ZNF69: variants seen among roughly 807,000 people sequenced by gnomAD.
The protein encoded by ZNF69 is zinc finger protein 69.
Under a neutral mutation model 50.9 loss-of-function variants are expected in ZNF69, and 47 were observed. The ratio of observed to expected loss-of-function variants is 0.92; its 90% CI spans 0.73 to 1.18. The LOEUF (loss-of-function observed/expected upper bound fraction) is 1.18, where lower values mean the gene tolerates loss of function less well. ZNF69 is among the 50% of genes most tolerant of loss of function. ZNF69 has a pLI of 0.00. For missense variants in ZNF69, 717 were observed against 675.1 expected, an observed-to-expected ratio of 1.06 and a Z score of -0.69; for synonymous variants, 216 against 223.1, an observed-to-expected ratio of 0.97 and a Z score of 0.29.
the ZNF69 span, chr19:11,949,883 A>C: frequency 1.2e-6 from 2 of 1,614,176 alleles, no homozygotes; most frequent in African/African-American, 1.3e-5. Context: ...GAGAAACCCT[A>C]TGAGTGTAAG....
the ZNF69 span, among the ~76,000 whole-genome samples, chr19:11,960,886 G>T: frequency 2.0e-5 from 3 of 152,086 alleles, no homozygotes; most frequent in African/African-American, 7.2e-5. Context: ...CTCCCCATCT[G>T]CTATGTGATA....
At chr19:11,892,260 G>A (rs1977112583) in intron 1 of ZNF69, among the ~76,000 whole-genome samples, 1 of 151,480 alleles carries the variant, frequency 6.6e-6, no homozygotes, top group African/African-American at 2.4e-5. Flanking sequence ...GATCACAGAC[G>A]TTAGCCAGTG....
chr19:11,951,243 T>G, the ZNF69 span, among the ~76,000 whole-genome samples: 1 of 151,068 alleles, frequency 6.6e-6, no homozygotes, highest in African/African-American at 2.4e-5. Context: ...TTTGTTTTTT[T>G]TTTTTCTGAT....
Position 11,905,907 on chromosome 19 carries a change from A to G in ZNF69, c.1510A>G (p.Lys504Glu), listed in dbSNP as rs779206204. 1.8e-5 allele frequency: 29 copies of G among 1,613,898 alleles called. No individual in the cohort carries two copies. The Admixed American group carries it at 4.5e-4, about 25-fold the overall frequency. The change falls in exon 4 of 4, where the codon AAA becomes GAA. Residue 504 changes from lysine to glutamate, a missense_variant. Transcript: ENST00000429654. ...ACATGAAAAAACTCACACTGGAGAGAAACTCTATGAATGCAAGCAATGTGG... is the reference window on the plus strand; with the variant it reads ...ACATGAAAAAACTCACACTGGAGAGGAACTCTATGAATGCAAGCAATGTGG... Reference protein sequence around the residue: ...QRHEKTHTGEKLYECKQCGEA... With the variant: ...QRHEKTHTGEELYECKQCGEA...
At chr19:11,913,262 ATTG>A (rs1343366706) in intron 4 of ZNF69, 8 of 450,086 alleles carry the variant, frequency 1.8e-5, no homozygotes, top group African/African-American at 4.1e-5. Flanking sequence ...ATACTGTTAA[ATTG>A]TTATTATTTG....
chr19:11,947,427 G>T, the ZNF69 span: 1 of 1,601,128 alleles, frequency 6.2e-7, no homozygotes, highest in South Asian at 1.1e-5. Context: ...ATGAGGCATG[G>T]CTGCAGTAAA....
At chr19:11,908,289 C>T (rs1341202959), downstream of ZNF69, among the ~76,000 whole-genome samples, 2 of 152,188 alleles carry the variant, frequency 1.3e-5, no homozygotes, top group East Asian at 3.9e-4. Context: ...CAAGGATATA[C>T]AGGAATTGAA....
chr19:11,906,223 A>C lies in ZNF69; in HGVS notation c.*125A>C. On this transcript the variant is annotated 3_prime_UTR_variant, in exon 4 of 4. Transcript: ENST00000429654. Reference sequence around the variant, plus strand: ...TGCCCAGAACCTTCGAATTCAGTAAAGGACACAAGCACACATAAGAATGCA... The same window carrying C: ...TGCCCAGAACCTTCGAATTCAGTAACGGACACAAGCACACATAAGAATGCA... The C allele has an allele frequency of 6.6e-7, 1 of 1,525,306 alleles. No individual in the cohort carries two copies. The highest frequency in any genetic ancestry group is 8.7e-7 in the Non-Finnish European group (1 of 1,144,666). 94.5% of individuals were successfully genotyped at this position (1,525,306 alleles called of 1,614,324 possible).
the ZNF69 span, among the ~76,000 whole-genome samples, chr19:11,971,789 C>A: frequency 6.6e-6 from 1 of 152,072 alleles, no homozygotes; most frequent in Admixed American, 6.6e-5. Context: ...TGTGGCCGGG[C>A]GCGGTGGCTC....
the ZNF69 span, among the ~76,000 whole-genome samples, chr19:11,962,477 T>C: frequency 6.6e-6 from 1 of 152,024 alleles, no homozygotes; most frequent in Non-Finnish European, 1.5e-5. Context: ...CCTCCTGCCT[T>C]AGCCTCCCAA....
chr19:11,925,240 A>C, the ZNF69 span: 3 of 1,613,146 alleles, frequency 1.9e-6, no homozygotes, highest in African/African-American at 4.0e-5. Flanking sequence ...GGAGCTGTAG[A>C]GAGGACCCCG....
the ZNF69 span, among the ~76,000 whole-genome samples, chr19:11,973,495 G>C: frequency 1.7e-3 from 254 of 152,198 alleles, 2 homozygotes; most frequent in African/African-American, 5.8e-3. Context: ...GATTCCTCTT[G>C]TGAGCCACCA....
At chr19:11,924,303 G>C in the ZNF69 span, among the ~76,000 whole-genome samples, 2 of 151,810 alleles carry the variant, frequency 1.3e-5, no homozygotes, top group Non-Finnish European at 2.9e-5. Context: ...GTGGTGGCGG[G>C]CGCCTTTAAT....
chr19:11,941,642 G>T, the ZNF69 span, among the ~76,000 whole-genome samples: 1 of 152,070 alleles, frequency 6.6e-6, no homozygotes, highest in African/African-American at 2.4e-5. Flanking sequence ...GCCCGCAAGC[G>T]CCGCGCGCAG....
At chr19:11,896,219 A>T (rs1977225630) in intron 1 of ZNF69, among the ~76,000 whole-genome samples, 2 of 66,062 alleles carry the variant, frequency 3.0e-5, no homozygotes, top group African/African-American at 7.6e-5. Context: ...AACTCCATTA[A>T]AAAAAAAAAA....
At chr19:11,971,336 A>G in the ZNF69 span, among the ~76,000 whole-genome samples, 1 of 152,138 alleles carries the variant, frequency 6.6e-6, no homozygotes, top group Admixed American at 6.5e-5. Flanking sequence ...GAAAGCATCT[A>G]CCTTTATGCT....
downstream of ZNF69, among the ~76,000 whole-genome samples, chr19:11,909,453 C>G (rs543632047): frequency 1.3e-5 from 2 of 152,282 alleles, no homozygotes; most frequent in East Asian, 3.9e-4. Context: ...AGCAGCACAT[C>G]AAAAAGCTTA....
the ZNF69 span, among the ~76,000 whole-genome samples, chr19:11,977,906 G>A: frequency 8.5e-5 from 13 of 152,054 alleles, no homozygotes; most frequent in African/African-American, 2.4e-4. Context: ...AGTTTACATG[G>A]GAATAGTATT....
chr19:11,978,644 T>C, the ZNF69 span: 1 of 1,613,940 alleles, frequency 6.2e-7, no homozygotes, highest in Non-Finnish European at 8.5e-7. Context: ...TTAGTTATTC[T>C]GCTACCCATC....
Sources: gnomAD v4.1 joint callset for allele counts (sites outside exome capture counted in the v4.1 genomes callset) on GRCh38, gnomAD v4.1.1 for gene constraint, MANE v1.5 for transcripts, NCBI Gene and HGNC (gene_info 2026-07-23, HGNC 2026-07-21) for gene names.